Variants in ZNF714 observed in about 807,000 individuals in gnomAD.
ZNF714 encodes zinc finger protein 714.
In ZNF714, 32 loss-of-function variants were observed where a neutral mutation model predicts 46.2. The observed-to-expected ratio is 0.69, with a 90% CI of 0.52 to 0.93. The LOEUF is 0.93. ZNF714 is among the 40% of genes least tolerant of loss of function. The probability of loss-of-function intolerance (pLI) is 0.00; values close to 1 mark genes in which losing one functional copy is unlikely to be tolerated. For missense variants in ZNF714, 635 were observed against 646.3 expected (o/e 0.98, Z 0.19); for synonymous variants, 199 against 213.1 (o/e 0.93, Z 0.58).
At chr19:21,114,434 T>G (rs1436135351) in intron 4 of ZNF714, among the ~76,000 whole-genome samples, 2 of 30,280 alleles carry the variant, frequency 6.6e-5, no homozygotes, top group African/African-American at 1.6e-4. Context: ...AGACTCCATC[T>G]CAAAAAAAAA....
intron 3 of ZNF714, 77 bp downstream of exon 3, chr19:21,098,388 G>A: frequency 1.3e-6 from 2 of 1,532,292 alleles, no homozygotes; most frequent in East Asian, 2.3e-5. Context: ...ATTTTCTTTG[G>A]TAATTTATGC....
intron 2 of ZNF714, among the ~76,000 whole-genome samples, chr19:21,088,053 ATAGT>A (rs1314082410): frequency 2.0e-5 from 3 of 152,318 alleles, no homozygotes; most frequent in African/African-American, 7.2e-5. Context: ...CAGTGTATTA[ATAGT>A]TAGGGGGTGT....
At chr19:21,102,413 A>G (rs1464437069) in intron 4 of ZNF714, among the ~76,000 whole-genome samples, 4 of 152,228 alleles carry the variant, frequency 2.6e-5, no homozygotes, top group African/African-American at 4.8e-5. Context: ...TCTTCAGCAT[A>G]TATCTAAATG....
At chr19:21,111,697 G>A (rs747181482) in intron 4 of ZNF714, among the ~76,000 whole-genome samples, 1 of 152,132 alleles carries the variant, frequency 6.6e-6, no homozygotes, top group African/African-American at 2.4e-5. Flanking sequence ...TGCCCTTTTA[G>A]TATGATATTG....
intron 2 of ZNF714, chr19:21,090,910 G>T (rs1293844356): frequency 1.6e-5 from 2 of 122,608 alleles, no homozygotes; most frequent in African/African-American, 3.0e-5. Flanking sequence ...TTTTGAGACA[G>T]GGTCGCGCTG....
intron 4 of ZNF714, among the ~76,000 whole-genome samples, chr19:21,111,252 G>A (rs532145720): frequency 2.0e-5 from 3 of 152,142 alleles, no homozygotes; most frequent in Non-Finnish European, 2.9e-5. Context: ...CTTGTGCAGC[G>A]GTTTGTAGTT....
Position 21,118,055 on chromosome 19 carries a change from G to A in ZNF714, c.1391G>A (p.Arg464Gln), listed in dbSNP as rs370427342. 9.9e-6 allele frequency: 16 copies of A among 1,612,540 alleles called. No individual in the cohort carries two copies. The Admixed American group carries it at 1.2e-4, about 12-fold the overall frequency. Residue 464 changes from arginine (R) to glutamine (Q), a missense_variant, in exon 5 of 5, where the codon CGA becomes CAA. Transcript: ENST00000456283. ...GAAGAATGTGGCAAAGCTTTCAACCGATCCTCAAACCTTACTAAACATAAC... is the reference window on the plus strand; with the variant it reads ...GAAGAATGTGGCAAAGCTTTCAACCAATCCTCAAACCTTACTAAACATAAC... ...KCEECGKAFN[R>Q]SSNLTKHNII...
chr19:21,095,194 A>T (rs1265614821), intron 2 of ZNF714, among the ~76,000 whole-genome samples: 1 of 152,158 alleles, frequency 6.6e-6, no homozygotes, highest in Non-Finnish European at 1.5e-5. Context: ...AGGGAAACTG[A>T]GGCAGGCCTT....
intron 4 of ZNF714, among the ~76,000 whole-genome samples, chr19:21,106,010 G>A (rs1410236912): frequency 6.6e-6 from 1 of 152,018 alleles, no homozygotes; most frequent in Non-Finnish European, 1.5e-5. Flanking sequence ...CAGCATGTTG[G>A]GAGGCTAAGG....
chr19:21,108,627 A>C (rs1258960997), intron 4 of ZNF714, among the ~76,000 whole-genome samples: 1 of 152,184 alleles, frequency 6.6e-6, no homozygotes, highest in Non-Finnish European at 1.5e-5. Context: ...CATGATTGTA[A>C]GTTTCCTGAG....
chr19:21,098,387 G>T (rs1969093251), intron 3 of ZNF714, 76 bp downstream of exon 3: 3 of 1,530,400 alleles, frequency 2.0e-6, no homozygotes, highest in East Asian at 2.3e-5. Flanking sequence ...AATTTTCTTT[G>T]GTAATTTATG....
At position 21,118,926 on chromosome 19, in the gene ZNF714, A is replaced by G. The variant is rs927364220; in HGVS notation, c.*594A>G. On this transcript the variant is annotated 3_prime_UTR_variant, in exon 5 of 5. Transcript: ENST00000456283. ...CTGGAGAAAACACCTACATGTGTGAACAATGTGGCAAAACTTAACCAGTGC... is the reference window on the plus strand; with the variant it reads ...CTGGAGAAAACACCTACATGTGTGAGCAATGTGGCAAAACTTAACCAGTGC... The G allele has an allele frequency of 3.6e-6, 1 of 275,212 alleles. No homozygotes were observed. The highest frequency in any genetic ancestry group is 7.2e-6 in the Non-Finnish European group (1 of 138,932). 17.0% of individuals were successfully genotyped at this position (275,212 alleles called of 1,614,324 possible).
At chr19:21,108,521 CA>C (rs1209518247) in intron 4 of ZNF714, among the ~76,000 whole-genome samples, 2 of 152,150 alleles carry the variant, frequency 1.3e-5, no homozygotes, top group African/African-American at 2.4e-5. Flanking sequence ...TCCATTAATT[CA>C]AATGAGAACT....
intron 2 of ZNF714, among the ~76,000 whole-genome samples, chr19:21,084,766 T>C (rs574144093): frequency 6.7e-6 from 1 of 150,350 alleles, no homozygotes; most frequent in African/African-American, 2.5e-5. Flanking sequence ...TGCAGTGGTA[T>C]GATCTCGGCT....
rs372851080 is a variant in ZNF714, at chr19:21,121,177, G to C, written c.*2845G>C. ...CTCCCAAGCAGCTAGGACTACAGGC[G>C]CCCACCACCATGCCCGGCTAATTTT... is the stretch of plus-strand genomic sequence containing the variant. On this transcript the variant is annotated 3_prime_UTR_variant, in exon 5 of 5. Coordinates refer to ENST00000456283, the MANE Select transcript of ZNF714 (RefSeq NM_182515.4). 2 of 152,018 alleles carry C rather than the reference G, an allele frequency of 1.3e-5. No homozygotes were observed. Among genetic ancestry groups the C allele is most frequent in the Non-Finnish European group, 2.9e-5 (2 of 68,064 alleles). 9.4% of individuals were successfully genotyped at this position (152,018 alleles called of 1,614,324 possible).
At chr19:21,085,588 A>C (rs572320229) in intron 2 of ZNF714, among the ~76,000 whole-genome samples, 41 of 152,388 alleles carry the variant, frequency 2.7e-4, no homozygotes, top group African/African-American at 8.7e-4. Context: ...TGGAAACTAA[A>C]GCTTGAGCCC....
intron 2 of ZNF714, among the ~76,000 whole-genome samples, chr19:21,093,941 A>G (rs1331606626): frequency 6.6e-6 from 1 of 151,860 alleles, no homozygotes; most frequent in Non-Finnish European, 1.5e-5. Context: ...ACCATACCTT[A>G]TTATTTTAAT....
At chr19:21,095,400 C>T (rs1340478650) in intron 2 of ZNF714, among the ~76,000 whole-genome samples, 2 of 152,100 alleles carry the variant, frequency 1.3e-5, no homozygotes, top group Non-Finnish European at 2.9e-5. Flanking sequence ...CAGTAAATAC[C>T]GTGGGCTCCC....
chr19:21,098,168 G>A lies in ZNF714; in HGVS notation c.-84-17G>A. ...ACTTGGTAAATATACGTGTGTCTGT[G>A]CGTATGTGTTTTTCAGGAGACGTTG... On this transcript the variant is annotated splice_polypyrimidine_tract_variant and intron_variant, in intron 2 of 4. Transcript: ENST00000456283. 6.2e-7 allele frequency: 1 copy of A among 1,603,754 alleles called. No individual in the cohort carries two copies. The highest frequency in any genetic ancestry group is 8.5e-7 in the Non-Finnish European group (1 of 1,177,586).
Sources: allele counts gnomAD v4.1 joint callset (sites outside exome capture counted in the v4.1 genomes callset), GRCh38; gene constraint gnomAD v4.1.1; transcripts MANE v1.5; gene names NCBI Gene and HGNC (gene_info 2026-07-23, HGNC 2026-07-21).